CDH13: variants seen among roughly 807,000 people sequenced by gnomAD.
CDH13 encodes the protein cadherin-13.
A neutral mutation model predicts 63.8 loss-of-function variants in CDH13; 24 were observed. That is an observed-to-expected ratio of 0.38 (90% CI 0.27 to 0.53). CDH13 has a LOEUF of 0.53. CDH13 is among the 20% of genes least tolerant of loss of function. The probability of loss-of-function intolerance (pLI) is 0.85; values close to 1 mark genes in which losing one functional copy is unlikely to be tolerated. For synonymous variants in CDH13, 503 were observed against 355.3 expected (o/e 1.42, Z -4.67); for missense variants, 1,049 against 903.1 (o/e 1.16, Z -2.07).
chr16:83,213,417 C>T (rs1178558350), intron 4 of CDH13, among the ~76,000 whole-genome samples: 1 of 152,148 alleles, frequency 6.6e-6, no homozygotes, highest in Non-Finnish European at 1.5e-5. Flanking sequence ...TTCCCCCACC[C>T]CCTCCTTGTT....
chr16:82,928,640 C>T (rs969715025), intron 2 of CDH13, among the ~76,000 whole-genome samples: 2 of 152,086 alleles, frequency 1.3e-5, no homozygotes, highest in Non-Finnish European at 2.9e-5. Context: ...AAGAATTGTC[C>T]AAGGTAAGAG....
At chr16:82,906,945 G>A (rs537204663) in intron 2 of CDH13, among the ~76,000 whole-genome samples, 10 of 152,220 alleles carry the variant, frequency 6.6e-5, no homozygotes, top group East Asian at 1.9e-4. Flanking sequence ...TAAAATGACC[G>A]TAACTTTGTC....
At chr16:83,759,422 A>G (rs1014319428) in intron 11 of CDH13, among the ~76,000 whole-genome samples, 1 of 152,218 alleles carries the variant, frequency 6.6e-6, no homozygotes, top group Non-Finnish European at 1.5e-5. Flanking sequence ...CAAAATATAG[A>G]AGGAAAAAAT....
At chr16:83,214,632 A>G (rs1406387367) in intron 4 of CDH13, among the ~76,000 whole-genome samples, 4 of 144,886 alleles carry the variant, frequency 2.8e-5, no homozygotes, top group African/African-American at 9.8e-5. Flanking sequence ...TCAGAAAAGG[A>G]TAGAGATACC....
At chr16:83,343,644 CT>C (rs1356222980) in intron 5 of CDH13, among the ~76,000 whole-genome samples, 1 of 152,146 alleles carries the variant, frequency 6.6e-6, no homozygotes, top group Admixed American at 6.5e-5. Context: ...AATTTGGGCT[CT>C]TTTTTGACAA....
At chr16:83,667,474 T>C (rs1268870152) in intron 8 of CDH13, among the ~76,000 whole-genome samples, 1 of 151,940 alleles carries the variant, frequency 6.6e-6, no homozygotes, top group Non-Finnish European at 1.5e-5. Flanking sequence ...CATCTATCTG[T>C]CCACCCATCC....
intron 10 of CDH13, among the ~76,000 whole-genome samples, chr16:83,682,895 C>T (rs1015958360): frequency 6.6e-6 from 1 of 152,218 alleles, no homozygotes; most frequent in Non-Finnish European, 1.5e-5. Flanking sequence ...CCTGAGGGGG[C>T]TCCTTCCATG....
intron 7 of CDH13, among the ~76,000 whole-genome samples, chr16:83,580,703 C>T (rs747881018): frequency 1.3e-5 from 2 of 151,974 alleles, no homozygotes; most frequent in Non-Finnish European, 2.9e-5. Flanking sequence ...TGCTGTGTTG[C>T]CTAGGTTGGT....
intron 5 of CDH13, among the ~76,000 whole-genome samples, chr16:83,273,754 A>G (rs150453441): frequency 6.6e-6 from 1 of 152,308 alleles, no homozygotes; most frequent in African/African-American, 2.4e-5. Context: ...GGGGCATTTC[A>G]ATACTACATA....
At chr16:82,944,915 G>A (rs552141394) in intron 2 of CDH13, among the ~76,000 whole-genome samples, 2 of 152,000 alleles carry the variant, frequency 1.3e-5, no homozygotes, top group Non-Finnish European at 2.9e-5. Context: ...GTAGTTAAGA[G>A]AAATTTTAAA....
At chr16:83,463,116 T>C (rs570756816) in intron 6 of CDH13, among the ~76,000 whole-genome samples, 2 of 152,058 alleles carry the variant, frequency 1.3e-5, no homozygotes, top group African/African-American at 4.8e-5. Context: ...TCTAGTGTAA[T>C]GAAAGATGAG....
chr16:83,726,589 C>T (rs1158019763), intron 10 of CDH13, among the ~76,000 whole-genome samples: 1 of 152,048 alleles, frequency 6.6e-6, no homozygotes, highest in Non-Finnish European at 1.5e-5. Context: ...TAATCCCGGC[C>T]CTTTGGGAGG....
At chr16:82,800,483 G>A (rs1368715692) in intron 1 of CDH13, among the ~76,000 whole-genome samples, 2 of 152,096 alleles carry the variant, frequency 1.3e-5, no homozygotes, top group Non-Finnish European at 2.9e-5. Context: ...AGTCTTAGAA[G>A]GCCCGTTAAC....
At chr16:82,681,757 C>T (rs1375182354) in intron 1 of CDH13, among the ~76,000 whole-genome samples, 4 of 152,218 alleles carry the variant, frequency 2.6e-5, no homozygotes, top group African/African-American at 9.6e-5. Flanking sequence ...TGTCCACGCA[C>T]AGCAGTACCA....
chr16:82,998,668 A>G (rs1014580510), intron 2 of CDH13, among the ~76,000 whole-genome samples: 2 of 152,130 alleles, frequency 1.3e-5, no homozygotes, highest in East Asian at 1.9e-4. Context: ...GCAGACATTG[A>G]TCTTGTCCTC....
Position 82,685,261 on chromosome 16 carries a change from C to T in CDH13, c.45+58124C>T, listed in dbSNP as rs192172837. ...GAGGCTGGGATGTTCAAGATCAAAGCGCCAACAGATTTAGTGTCTGGTGAG... is the reference window on the plus strand; with the variant it reads ...GAGGCTGGGATGTTCAAGATCAAAGTGCCAACAGATTTAGTGTCTGGTGAG... On this transcript the variant is annotated intron_variant, in intron 1 of 13. Coordinates refer to ENST00000567109, the MANE Select transcript of CDH13 (RefSeq NM_001257.5). Among the ~76,000 whole-genome samples the T allele has an allele frequency of 3.2e-3, 480 of 152,300 alleles. 4 individuals carry two copies. The highest frequency in any genetic ancestry group is 0.01 in the African/African-American group (436 of 41,566).
At position 83,106,755 on chromosome 16, in the gene CDH13, A is replaced by G. The variant is rs570248243; in HGVS notation, c.367-18630A>G. Among the ~76,000 whole-genome samples, 59 of 152,348 alleles carry G rather than the reference A, an allele frequency of 3.9e-4. 1 individual carries two copies. The highest frequency in any genetic ancestry group is 1.3e-3 in the African/African-American group (55 of 41,564). Reference sequence around the variant, plus strand: ...ACACCCTTCCACTTCAACTTAAACAAAAAGTATATTACAACCTGGAAGGAA... The same window carrying G: ...ACACCCTTCCACTTCAACTTAAACAGAAAGTATATTACAACCTGGAAGGAA... On this transcript the variant is annotated intron_variant, in intron 3 of 13. Coordinates refer to ENST00000567109, the MANE Select transcript of CDH13 (RefSeq NM_001257.5).
At chr16:83,227,196 G>A (rs1407279338) in intron 5 of CDH13, among the ~76,000 whole-genome samples, 1 of 152,224 alleles carries the variant, frequency 6.6e-6, no homozygotes, top group African/African-American at 2.4e-5. Context: ...CCACAGCTAT[G>A]GGAACAGGTG....
chr16:83,149,677 C>A (rs1455284930), intron 4 of CDH13, among the ~76,000 whole-genome samples: 1 of 152,200 alleles, frequency 6.6e-6, no homozygotes, highest in Admixed American at 6.5e-5. Flanking sequence ...AAAGCCCTAT[C>A]ATCAGTAGCA....
Sources: gnomAD v4.1 joint callset for allele counts (sites outside exome capture counted in the v4.1 genomes callset) on GRCh38, gnomAD v4.1.1 for gene constraint, MANE v1.5 for transcripts, NCBI Gene and HGNC (gene_info 2026-07-23, HGNC 2026-07-21) for gene names.